Variants in PIEZO2 observed in about 807,000 individuals in gnomAD.
PIEZO2 encodes the protein piezo type mechanosensitive ion channel component 2.
PIEZO2 carries 172 observed loss-of-function variants against 337.3 expected under a neutral mutation model. The observed-to-expected ratio is 0.51, with a 90% CI of 0.45 to 0.58. PIEZO2 has a LOEUF of 0.58. Among genes scored for constraint, PIEZO2 ranks in the 20% least tolerant of loss-of-function variants. The pLI is 0.00. For synonymous variants in PIEZO2, 1,251 were observed against 1,228.5 expected (o/e 1.02, Z -0.38); for missense variants, 3,028 against 3,391.3 (o/e 0.89, Z 2.66).
In PIEZO2 at chr18:10,787,184, C is replaced by T. The variant is rs2039252674; in HGVS notation, c.2170G>A (p.Val724Met). The T allele has an allele frequency of 6.7e-7, 1 of 1,495,914 alleles. No individual in the cohort carries two copies. Among genetic ancestry groups the T allele is most frequent in the African/African-American group, 1.4e-5 (1 of 69,752 alleles). The allele number at this position is 1,495,914 out of a possible 1,614,324, so 92.7% of individuals were successfully genotyped here. A position where few individuals can be genotyped will look rare whatever the true frequency, so the allele number is the denominator to read the frequency against. ...ATTTTCCTCCACCATTCATAGTGCA[C>T]CTGCAAATCAGACATTGAAAAAAAA... is the stretch of plus-strand genomic sequence containing the variant. ...LFLFCVALYQVHYEWWRKILK... is the reference protein window; with the variant it reads ...LFLFCVALYQMHYEWWRKILK... The change falls in exon 16 of 56, where the codon GTG becomes ATG. Residue 724 changes from valine to methionine, a missense_variant and splice_region_variant. Transcript: ENST00000674853.
chr18:10,697,034 C>T (rs886066380), intron 45 of PIEZO2, among the ~76,000 whole-genome samples: 4 of 152,170 alleles, frequency 2.6e-5, no homozygotes, highest in South Asian at 2.1e-4. Flanking sequence ...GAATGTGCAA[C>T]GCCCCTGCTC....
At chr18:10,857,988 T>G (rs909753877) in intron 5 of PIEZO2, among the ~76,000 whole-genome samples, 10 of 133,780 alleles carry the variant, frequency 7.5e-5, no homozygotes, top group Admixed American at 7.3e-5. Context: ...GACTTTTTCT[T>G]TTTTCTTTCT....
rs966038337 is a variant in PIEZO2, at chr18:11,105,273, A to G, written c.65-39051T>C. On this transcript the variant is annotated intron_variant, in intron 1 of 55. Coordinates refer to ENST00000674853, the MANE Select transcript of PIEZO2 (RefSeq NM_001378183.1). This position sits in a 1 kb window ranked among gnomAD's most constrained non-coding sequence, Gnocchi z 4.3. ...AAAGACTGCAAACCAATATGGACTC[A>G]CAACGCCCATTTGACACACTCAGTG... Among the ~76,000 whole-genome samples, 8 of 152,208 alleles carry G rather than the reference A, an allele frequency of 5.3e-5. No individual in the cohort carries two copies. The highest frequency in any genetic ancestry group is 4.4e-5 in the Non-Finnish European group (3 of 68,040).
chr18:10,886,378 GTGTATATA>G (rs1401732687), intron 4 of PIEZO2, among the ~76,000 whole-genome samples: 4 of 3,176 alleles, frequency 1.3e-3, no homozygotes, highest in African/African-American at 5.5e-3. Context: ...ATGTGTGTGT[GTGTATATA>G]TATATATATA....
intron 2 of PIEZO2, among the ~76,000 whole-genome samples, chr18:11,051,368 TGGGTGTGG>T (rs1454592691): frequency 2.8e-5 from 4 of 145,306 alleles, no homozygotes; most frequent in African/African-American, 9.9e-5. Flanking sequence ...TGTGTGTGTG[TGGGTGTGG>T]GTGTGGGTGT....
chr18:11,105,748 G>A lies in PIEZO2; in HGVS notation c.65-39526C>T, dbSNP rs2039539952. 1.3e-5 allele frequency among the ~76,000 whole-genome samples: 2 copies of A among 152,072 alleles called. No homozygotes were observed. Among genetic ancestry groups the A allele is most frequent in the African/African-American group, 2.4e-5 (1 of 41,402 alleles). On this transcript the variant is annotated intron_variant, in intron 1 of 55. Transcript: ENST00000674853. The surrounding 1 kb of genome is among the most constrained non-coding windows in gnomAD (Gnocchi z 4.3). Reference sequence around the variant, plus strand: ...GTGCTGCTTGAGGCTTGACTGTAAAGCTCCGTAACCATATAAAAGTTATAT... The same window carrying A: ...GTGCTGCTTGAGGCTTGACTGTAAAACTCCGTAACCATATAAAAGTTATAT...
chr18:10,807,038 C>T, intron 8 of PIEZO2, 74 bp downstream of exon 8: 1 of 1,394,988 alleles, frequency 7.2e-7, no homozygotes. Flanking sequence ...CAGTAGAGAA[C>T]AGGAGTGAAT....
chr18:11,001,848 A>G lies in PIEZO2; in HGVS notation c.161-22188T>C, dbSNP rs1315267744. Among the ~76,000 whole-genome samples the G allele has an allele frequency of 1.3e-5, 2 of 151,756 alleles. No individual in the cohort carries two copies. Among genetic ancestry groups the G allele is most frequent in the Admixed American group, 1.3e-4 (2 of 15,216 alleles). ...AGCTCAGATTGCACCACTGTACTCC[A>G]GCCTGGGTGATAGAGCGAGATTCAA... On this transcript the variant is annotated intron_variant, in intron 2 of 55. Transcript: ENST00000674853. This position sits in a 1 kb window ranked among gnomAD's most constrained non-coding sequence, Gnocchi z 5.3.
rs528855069 is a variant in PIEZO2, at chr18:11,132,652, C to T, written c.64+15873G>A. On this transcript the variant is annotated intron_variant, in intron 1 of 55. Coordinates refer to ENST00000674853, the MANE Select transcript of PIEZO2 (RefSeq NM_001378183.1). The surrounding 1 kb of genome is among the most constrained non-coding windows in gnomAD (Gnocchi z 4.7). ...CATTACGTTCTGCTGGCCTAGAGGT[C>T]TTAGTTCCAGAAGAAGGAGCACTGC... Among the ~76,000 whole-genome samples, 1 of 151,912 alleles carries T rather than the reference C, an allele frequency of 6.6e-6. No homozygotes were observed. Among genetic ancestry groups the T allele is most frequent in the East Asian group, 1.9e-4 (1 of 5,172 alleles).
rs1390401109 is a variant in PIEZO2 at position 10,895,670 on chromosome 18, G to C, written c.329+15516C>G. ...ATCCTCAGTTTAACACCTGGGAAATGGGGCGCTCCCTCTGACCTGCACATT... is the reference window on the plus strand; with the variant it reads ...ATCCTCAGTTTAACACCTGGGAAATCGGGCGCTCCCTCTGACCTGCACATT... On this transcript the variant is annotated intron_variant, in intron 4 of 55. Transcript: ENST00000674853. This position sits in a 1 kb window ranked among gnomAD's most constrained non-coding sequence, Gnocchi z 4.8. Among the ~76,000 whole-genome samples the C allele has an allele frequency of 6.6e-6, 1 of 152,122 alleles. No individual in the cohort carries two copies. The highest frequency in any genetic ancestry group is 6.5e-5 in the Admixed American group (1 of 15,276).
chr18:10,907,569 T>C (rs2030071341), intron 4 of PIEZO2, among the ~76,000 whole-genome samples: 1 of 152,234 alleles, frequency 6.6e-6, no homozygotes, highest in African/African-American at 2.4e-5. Context: ...ATTCTCCTCA[T>C]CAGATTTTGC....
rs2040239818 is a variant in PIEZO2 at position 11,128,200 on chromosome 18, A to C, written c.64+20325T>G. Among the ~76,000 whole-genome samples the C allele has an allele frequency of 6.6e-6, 1 of 152,288 alleles. No individual in the cohort carries two copies. Among genetic ancestry groups the C allele is most frequent in the East Asian group, 1.9e-4 (1 of 5,178 alleles). ...TAAGTTCAGTGGACAAAGTGATGAA[A>C]GAAAATGATGAACTCAGGGATTCTG... On this transcript the variant is annotated intron_variant, in intron 1 of 55. Transcript: ENST00000674853. This position sits in a 1 kb window ranked among gnomAD's most constrained non-coding sequence, Gnocchi z 4.1.
chr18:11,052,965 AG>A (rs2037584621), intron 2 of PIEZO2, among the ~76,000 whole-genome samples: 1 of 75,100 alleles, frequency 1.3e-5, no homozygotes, highest in Non-Finnish European at 2.7e-5. Flanking sequence ...GCAAATTTGC[AG>A]GAGCGTTAGC....
At position 10,682,089 on chromosome 18, in the gene PIEZO2, G is replaced by A; in HGVS notation, c.7686+15C>T. ...GGGGCAAGGCTCTGGTAGGTGGGGTGTGCACAGAGATCACCTGATACCCTC... is the reference window on the plus strand; with the variant it reads ...GGGGCAAGGCTCTGGTAGGTGGGGTATGCACAGAGATCACCTGATACCCTC... On this transcript the variant is annotated intron_variant, in intron 50 of 55. Coordinates refer to ENST00000674853, the MANE Select transcript of PIEZO2 (RefSeq NM_001378183.1). The surrounding 1 kb of genome is among the most constrained non-coding windows in gnomAD (Gnocchi z 5.6). 6.5e-7 allele frequency: 1 copy of A among 1,530,140 alleles called. No individual in the cohort carries two copies. The highest frequency in any genetic ancestry group is 8.8e-7 in the Non-Finnish European group (1 of 1,142,826). 94.8% of individuals were successfully genotyped at this position (1,530,140 alleles called of 1,614,324 possible).
chr18:10,831,153 G>T (rs1191187436), intron 7 of PIEZO2, among the ~76,000 whole-genome samples: 5 of 152,068 alleles, frequency 3.3e-5, no homozygotes, highest in Admixed American at 3.3e-4. Context: ...GCTACCATAC[G>T]ATCCAGCAAT....
intron 7 of PIEZO2, among the ~76,000 whole-genome samples, chr18:10,823,389 G>C (rs548959198): frequency 1.0e-3 from 159 of 151,724 alleles, no homozygotes; most frequent in Non-Finnish European, 1.5e-3. Flanking sequence ...GACTTAAATT[G>C]TCCACTCAAC....
chr18:10,725,930 T>C (rs1432169194), intron 36 of PIEZO2, among the ~76,000 whole-genome samples: 1 of 152,182 alleles, frequency 6.6e-6, no homozygotes, highest in Non-Finnish European at 1.5e-5. Context: ...TAACCACTAT[T>C]TCTATCTGTC....
At chr18:11,119,216 TG>T (rs1426617632) in intron 1 of PIEZO2, among the ~76,000 whole-genome samples, 2 of 151,364 alleles carry the variant, frequency 1.3e-5, no homozygotes, top group Admixed American at 1.3e-4. Flanking sequence ...GGCCCAATCT[TG>T]GCTCACTGCA....
chr18:10,882,819 T>C (rs1226108847), intron 4 of PIEZO2, among the ~76,000 whole-genome samples: 1 of 150,662 alleles, frequency 6.6e-6, no homozygotes, highest in Non-Finnish European at 1.5e-5. Context: ...CCATTGTGCA[T>C]ATGTACCACA....
Sources: gnomAD v4.1 joint callset for allele counts (sites outside exome capture counted in the v4.1 genomes callset) on GRCh38, gnomAD v4.1.1 for gene constraint, Gnocchi (gnomAD v3.1) non-coding constraint, MANE v1.5 for transcripts, NCBI Gene and HGNC (gene_info 2026-07-23, HGNC 2026-07-21) for gene names.